The following SGPP2 variants were observed in gnomAD, a reference collection of about 807,000 sequenced individuals.
SGPP2 encodes sphingosine 1-phosphate phosphohydrolase 2.
Under a neutral mutation model 33.9 loss-of-function variants are expected in SGPP2, and 30 were observed. The observed-to-expected ratio is 0.89, with a 90% CI of 0.66 to 1.20. SGPP2 has a LOEUF of 1.20. Among genes scored for constraint, SGPP2 ranks in the 50% most tolerant of loss-of-function variants. The pLI is 0.00. For synonymous variants in SGPP2, 233 were observed against 225.0 expected (o/e 1.04, Z -0.32); for missense variants, 458 against 532.1 (o/e 0.86, Z 1.37).
At chr2:222,443,661 G>GT (rs1392685868) in intron 1 of SGPP2, among the ~76,000 whole-genome samples, 9 of 151,804 alleles carry the variant, frequency 5.9e-5, no homozygotes, top group Non-Finnish European at 8.8e-5. Context: ...CCACTTGTTT[G>GT]TTTTTTTTAA....
At chr2:222,478,353 G>T (rs1001511813) in intron 2 of SGPP2, among the ~76,000 whole-genome samples, 2 of 151,840 alleles carry the variant, frequency 1.3e-5, no homozygotes, top group Non-Finnish European at 2.9e-5. Flanking sequence ...AGACAATAAT[G>T]AGAGATATTT....
intron 1 of SGPP2, among the ~76,000 whole-genome samples, chr2:222,448,026 G>A (rs1368199086): frequency 6.6e-6 from 1 of 152,192 alleles, no homozygotes; most frequent in African/African-American, 2.4e-5. Context: ...TGCTGAGGCA[G>A]GCCAGCTAGA....
At chr2:222,532,565 C>A (rs1469285165) in intron 4 of SGPP2, among the ~76,000 whole-genome samples, 1 of 152,162 alleles carries the variant, frequency 6.6e-6, no homozygotes, top group African/African-American at 2.4e-5. Context: ...GGCGTCCCTG[C>A]CTACCAAGAC....
chr2:222,528,385 A>G (rs915543648), intron 4 of SGPP2, among the ~76,000 whole-genome samples: 1 of 152,234 alleles, frequency 6.6e-6, no homozygotes, highest in Non-Finnish European at 1.5e-5. Flanking sequence ...GCATATAAAA[A>G]TGTTTACACT....
intron 1 of SGPP2, among the ~76,000 whole-genome samples, chr2:222,464,233 T>C (rs938755325): frequency 5.3e-5 from 8 of 152,238 alleles, no homozygotes; most frequent in Non-Finnish European, 1.0e-4. Context: ...ATTTTGATTA[T>C]TTAAAGGGCA....
At chr2:222,463,110 A>T (rs1290168299) in intron 1 of SGPP2, among the ~76,000 whole-genome samples, 1 of 152,212 alleles carries the variant, frequency 6.6e-6, no homozygotes, top group Admixed American at 6.5e-5. Flanking sequence ...GCAAGACTTT[A>T]GGAGGAGCGT....
intron 2 of SGPP2, among the ~76,000 whole-genome samples, chr2:222,519,004 T>A (rs927393082): frequency 6.6e-6 from 1 of 152,234 alleles, no homozygotes; most frequent in Non-Finnish European, 1.5e-5. Flanking sequence ...CTAATCAAAA[T>A]TATTTTGAAA....
At chr2:222,445,042 C>A (rs1443631363) in intron 1 of SGPP2, among the ~76,000 whole-genome samples, 1 of 152,174 alleles carries the variant, frequency 6.6e-6, no homozygotes, top group Non-Finnish European at 1.5e-5. Context: ...AAGAGAGGAT[C>A]CTTTAGAGGT....
At chr2:222,514,227 A>G (rs572684763) in intron 2 of SGPP2, among the ~76,000 whole-genome samples, 71 of 152,394 alleles carry the variant, frequency 4.7e-4, no homozygotes, top group African/African-American at 1.6e-3. Flanking sequence ...ATGAAGCAGT[A>G]TCACTATGAA....
chr2:222,514,353 TA>T (rs1179632841), intron 2 of SGPP2, among the ~76,000 whole-genome samples: 1 of 152,180 alleles, frequency 6.6e-6, no homozygotes, highest in Non-Finnish European at 1.5e-5. Flanking sequence ...ATTCTTTTTT[TA>T]AAAAATGTTT....
intron 2 of SGPP2, among the ~76,000 whole-genome samples, chr2:222,515,666 G>A (rs548044193): frequency 8.5e-5 from 13 of 152,070 alleles, no homozygotes; most frequent in East Asian, 3.9e-4. Flanking sequence ...TATAATTCAC[G>A]TACTATACAA....
chr2:222,437,735 C>T (rs1697266056), intron 1 of SGPP2, among the ~76,000 whole-genome samples: 1 of 152,184 alleles, frequency 6.6e-6, no homozygotes, highest in South Asian at 2.1e-4. Flanking sequence ...GTTCAGGTCT[C>T]ATGGTGACTT....
At chr2:222,493,228 A>T (rs762927587) in intron 2 of SGPP2, among the ~76,000 whole-genome samples, 2 of 152,182 alleles carry the variant, frequency 1.3e-5, no homozygotes, top group African/African-American at 2.4e-5. Flanking sequence ...GGTTCAATTG[A>T]CCCACACAGT....
At chr2:222,500,065 G>T (rs369011205) in intron 2 of SGPP2, among the ~76,000 whole-genome samples, 4 of 152,194 alleles carry the variant, frequency 2.6e-5, no homozygotes, top group African/African-American at 9.7e-5. Flanking sequence ...TGGCTGAGTG[G>T]TGTTCATCCC....
At chr2:222,442,593 A>C (rs940625820) in intron 1 of SGPP2, among the ~76,000 whole-genome samples, 3 of 152,214 alleles carry the variant, frequency 2.0e-5, no homozygotes, top group African/African-American at 7.2e-5. Context: ...GTATCATAAA[A>C]TTTGATTAAT....
intron 1 of SGPP2, among the ~76,000 whole-genome samples, chr2:222,428,106 A>G (rs1697098716): frequency 6.6e-6 from 1 of 152,242 alleles, no homozygotes; most frequent in Non-Finnish European, 1.5e-5. Flanking sequence ...GGAAAATTCC[A>G]GGGCCTCACT....
intron 2 of SGPP2, among the ~76,000 whole-genome samples, chr2:222,490,006 G>C (rs912793108): frequency 1.3e-5 from 2 of 152,052 alleles, no homozygotes; most frequent in Non-Finnish European, 2.9e-5. Context: ...CTCTGTGAAA[G>C]CCTGAGTTGC....
intron 2 of SGPP2, among the ~76,000 whole-genome samples, chr2:222,480,895 A>C (rs916760270): frequency 6.6e-6 from 1 of 152,358 alleles, no homozygotes; most frequent in East Asian, 1.9e-4. Flanking sequence ...GGATAAAGAA[A>C]AGGTGGTACA....
chr2:222,499,329 T>A (rs1698330846), intron 2 of SGPP2, among the ~76,000 whole-genome samples: 1 of 152,230 alleles, frequency 6.6e-6, no homozygotes, highest in African/African-American at 2.4e-5. Flanking sequence ...GCAGAGTTAA[T>A]CACTCACTGG....
Sources: allele counts gnomAD v4.1 joint callset (sites outside exome capture counted in the v4.1 genomes callset), GRCh38; gene constraint gnomAD v4.1.1; transcripts MANE v1.5; gene names NCBI Gene and HGNC (gene_info 2026-07-23, HGNC 2026-07-21).